STK31: variants seen among roughly 807,000 people sequenced by gnomAD.
STK31 encodes serine/threonine-protein kinase 31.
A neutral mutation model predicts 129.7 loss-of-function variants in STK31; 89 were observed. That is an observed-to-expected ratio of 0.69 (90% CI 0.58 to 0.82). The LOEUF (loss-of-function observed/expected upper bound fraction) is 0.82. STK31 is among the 40% of genes least tolerant of loss of function. STK31 has a pLI of 0.00. For missense variants in STK31, 1,187 were observed against 1,176.4 expected (o/e 1.01, Z -0.13); for synonymous variants, 448 against 395.3 (o/e 1.13, Z -1.58).
chr7:23,729,652 G>GTAGCGTGATCTCGGCTCACTGCAACCTCT (rs1446331530), intron 6 of STK31, among the ~76,000 whole-genome samples: 13 of 151,726 alleles, frequency 8.6e-5, no homozygotes, highest in African/African-American at 2.9e-4. Context: ...CTGGATTACA[G>GTAGCGTGATCTCGGCTCACTGCAACCTCT]GCCTGTGCCA....
At chr7:23,766,231 CAAT>C (rs1410125010) in intron 11 of STK31, among the ~76,000 whole-genome samples, 1 of 152,122 alleles carries the variant, frequency 6.6e-6, no homozygotes, top group African/African-American at 2.4e-5. Context: ...ACACCTTTGA[CAAT>C]AATAATCTAT....
chr7:23,778,732 C>G (rs1381819751), intron 15 of STK31, among the ~76,000 whole-genome samples: 1 of 151,972 alleles, frequency 6.6e-6, no homozygotes, highest in African/African-American at 2.4e-5. Context: ...AGCAATTCGT[C>G]TAACCTTTTT....
At chr7:23,738,707 C>T (rs533813011) in intron 8 of STK31, among the ~76,000 whole-genome samples, 21 of 152,214 alleles carry the variant, frequency 1.4e-4, no homozygotes, top group Non-Finnish European at 2.6e-4. Context: ...AGGCACCCGC[C>T]GCCATGTCTG....
At chr7:23,787,600 G>C (rs1584447865) in intron 20 of STK31, among the ~76,000 whole-genome samples, 1 of 152,046 alleles carries the variant, frequency 6.6e-6, no homozygotes, top group African/African-American at 2.4e-5. Flanking sequence ...TGCATGTGAG[G>C]GATCTAGGTT....
At position 23,771,143 on chromosome 7, in the gene STK31, T is replaced by A. The variant is rs752943949; in HGVS notation, c.1833+19T>A. On this transcript the variant is annotated intron_variant, in intron 14 of 23. Coordinates refer to ENST00000355870, the MANE Select transcript of STK31 (RefSeq NM_031414.5). Reference sequence around the variant, plus strand: ...TATTGAGGTTTGATTGTGCTTTCTCTTATTGATCTTATAAATTGATGATTT... The same window carrying A: ...TATTGAGGTTTGATTGTGCTTTCTCATATTGATCTTATAAATTGATGATTT... 4 of 1,528,358 alleles carry A rather than the reference T, an allele frequency of 2.6e-6. No homozygotes were observed. Among genetic ancestry groups the A allele is most frequent in the Non-Finnish European group, 3.5e-6 (4 of 1,144,332 alleles). 94.7% of individuals were successfully genotyped at this position (1,528,358 alleles called of 1,614,324 possible). A position where few individuals can be genotyped will look rare whatever the true frequency, so the allele number is the denominator to read the frequency against.
rs567126734 is a variant in STK31 at position 23,731,591 on chromosome 7, T to G, written c.483+2342T>G. On this transcript the variant is annotated intron_variant, in intron 6 of 23. Transcript: ENST00000355870. Reference sequence around the variant, plus strand: ...TTCAGTAACAACACAAATACCTCCTTCCTTCCCCTTTTCCAGAAGGTGTCC... The same window carrying G: ...TTCAGTAACAACACAAATACCTCCTGCCTTCCCCTTTTCCAGAAGGTGTCC... Among the ~76,000 whole-genome samples, 3 of 152,294 alleles carry G rather than the reference T, an allele frequency of 2.0e-5. No individual in the cohort carries two copies. The South Asian group carries it at 6.2e-4, about 32-fold the overall frequency.
intron 3 of STK31, among the ~76,000 whole-genome samples, chr7:23,713,623 T>C (rs1786112091): frequency 1.3e-5 from 2 of 152,168 alleles, no homozygotes; most frequent in South Asian, 2.1e-4. Context: ...TTTTAAACTT[T>C]TAATTTTTTT....
In STK31 at chr7:23,797,740, A is replaced by G. The variant is rs1025504404; in HGVS notation, c.2760+6794A>G. Among the ~76,000 whole-genome samples the G allele has an allele frequency of 1.2e-4, 18 of 152,326 alleles. No individual in the cohort carries two copies. In the East Asian group the frequency reaches 1.3e-3, roughly 11 times the overall value. The stretch of plus-strand genomic sequence containing the variant: ...AACAAACAAATTCAAAAGCTAGTAG[A>G]AGACAAGAAATAATTAAGATCAGGG... On this transcript the variant is annotated intron_variant, in intron 22 of 23. Coordinates refer to ENST00000355870, the MANE Select transcript of STK31 (RefSeq NM_031414.5).
intron 16 of STK31, among the ~76,000 whole-genome samples, chr7:23,781,939 A>G (rs1348076397): frequency 2.6e-5 from 4 of 152,130 alleles, no homozygotes; most frequent in African/African-American, 7.2e-5. Flanking sequence ...TCATTTTCCC[A>G]TAATGTTGCA....
chr7:23,772,657 T>A (rs899287598), intron 15 of STK31, among the ~76,000 whole-genome samples: 1 of 152,198 alleles, frequency 6.6e-6, no homozygotes, highest in Non-Finnish European at 1.5e-5. Flanking sequence ...TCATAAAGTA[T>A]TTTTAAGATC....
chr7:23,794,515 C>T (rs375484915), intron 22 of STK31, among the ~76,000 whole-genome samples: 153 of 152,262 alleles, frequency 1.0e-3, no homozygotes, highest in African/African-American at 3.3e-3. Flanking sequence ...TGGAATGCTG[C>T]TGTAAAGATA....
intron 8 of STK31, among the ~76,000 whole-genome samples, chr7:23,747,490 C>A (rs910636204): frequency 3.3e-5 from 5 of 152,128 alleles, no homozygotes; most frequent in African/African-American, 1.2e-4. Context: ...CTGCCTCAGC[C>A]TCCCAAGCAG....
chr7:23,765,988 T>G (rs1386821178), intron 11 of STK31, among the ~76,000 whole-genome samples: 1 of 152,246 alleles, frequency 6.6e-6, no homozygotes, highest in Non-Finnish European at 1.5e-5. Context: ...TTGTGTGTGA[T>G]AGCTCAGTTA....
intron 22 of STK31, among the ~76,000 whole-genome samples, chr7:23,793,244 T>C (rs919516629): frequency 4.6e-5 from 7 of 152,194 alleles, no homozygotes; most frequent in African/African-American, 1.7e-4. Flanking sequence ...GCACAAAAAT[T>C]AGCTCAAAAT....
intron 8 of STK31, 27 bp from the exon 9 acceptor site, chr7:23,752,690 C>G: frequency 6.5e-7 from 1 of 1,534,596 alleles, no homozygotes. Flanking sequence ...TTGGGTCTCA[C>G]GAGAATGTGT....
intron 15 of STK31, among the ~76,000 whole-genome samples, chr7:23,774,850 C>G (rs10950960): frequency 2.0e-5 from 3 of 151,948 alleles, no homozygotes; most frequent in Non-Finnish European, 2.9e-5. Context: ...AAGTCCTTGC[C>G]CATGCCTATG....
intron 6 of STK31, among the ~76,000 whole-genome samples, chr7:23,731,286 C>G (rs1459247307): frequency 6.6e-6 from 1 of 152,158 alleles, no homozygotes; most frequent in Non-Finnish European, 1.5e-5. Flanking sequence ...TTGAATAGCT[C>G]TGCTTAGAAA....
intron 16 of STK31, 29 bp from the exon 17 acceptor site, chr7:23,783,554 A>C: frequency 1.3e-6 from 2 of 1,553,522 alleles, no homozygotes; most frequent in South Asian, 2.3e-5. Context: ...ATTGATCTAC[A>C]GTTAAAAACT....
intron 21 of STK31, among the ~76,000 whole-genome samples, chr7:23,789,024 A>G (rs1361350078): frequency 1.3e-5 from 2 of 152,134 alleles, no homozygotes; most frequent in African/African-American, 4.8e-5. Flanking sequence ...GGATTTGCCT[A>G]TTTGGACATC....
Sources: gnomAD v4.1 joint callset for allele counts (sites outside exome capture counted in the v4.1 genomes callset) on GRCh38, gnomAD v4.1.1 for gene constraint, MANE v1.5 for transcripts, NCBI Gene and HGNC (gene_info 2026-07-23, HGNC 2026-07-21) for gene names.